The following PDE11A variants were observed in gnomAD, a reference collection of about 807,000 sequenced individuals.
The protein encoded by PDE11A is dual 3',5'-cyclic-AMP and -GMP phosphodiesterase 11A.
A neutral mutation model predicts 100.5 loss-of-function variants in PDE11A; 100 were observed. The ratio of observed to expected loss-of-function variants is 1.00; its 90% CI spans 0.85 to 1.18. The LOEUF is 1.18. Among genes scored for constraint, PDE11A ranks in the 50% most tolerant of loss-of-function variants. The pLI, the probability that PDE11A is intolerant of heterozygous loss-of-function variation, is 0.00. For synonymous variants in PDE11A, 381 were observed against 420.8 expected (o/e 0.91, Z 1.16); for missense variants, 1,141 against 1,152.6 (o/e 0.99, Z 0.15).
At chr2:177,858,608 A>T (rs1242904522) in intron 5 of PDE11A, among the ~76,000 whole-genome samples, 2 of 152,034 alleles carry the variant, frequency 1.3e-5, no homozygotes, top group African/African-American at 4.8e-5. Flanking sequence ...AGGTGCTGGA[A>T]AGGATGTGGA....
At chr2:178,096,472 C>A (rs533558231) in intron 2 of PDE11A, among the ~76,000 whole-genome samples, 3 of 151,984 alleles carry the variant, frequency 2.0e-5, no homozygotes, top group Non-Finnish European at 2.9e-5. Flanking sequence ...TGCGCCTGGC[C>A]CACGTTTTTC....
At chr2:177,832,019 C>T (rs2083317534) in intron 6 of PDE11A, among the ~76,000 whole-genome samples, 1 of 152,144 alleles carries the variant, frequency 6.6e-6, no homozygotes, top group South Asian at 2.1e-4. Context: ...GAGGCCCCCC[C>T]TGACCCCTCC....
intron 1 of PDE11A, among the ~76,000 whole-genome samples, chr2:178,033,804 G>C (rs765012316): frequency 6.6e-6 from 1 of 152,032 alleles, no homozygotes; most frequent in African/African-American, 2.4e-5. Flanking sequence ...GCCAAACTAA[G>C]CTTCATAAGG....
In PDE11A at chr2:177,816,825, T is replaced by G; in HGVS notation, c.1737+4A>C. The G allele has an allele frequency of 6.5e-7, 1 of 1,542,156 alleles. No homozygotes were observed. Among genetic ancestry groups the G allele is most frequent in the South Asian group, 1.1e-5 (1 of 89,600 alleles). ...TACAAACCTGACATAAACACTGTAC[T>G]TACATCAAGAGCCACAGACTGCTTG... On this transcript the variant is annotated splice_donor_region_variant and intron_variant, in intron 9 of 19. Transcript: ENST00000286063.
At chr2:177,992,248 T>C (rs1193196674) in intron 2 of PDE11A, among the ~76,000 whole-genome samples, 1 of 151,188 alleles carries the variant, frequency 6.6e-6, no homozygotes, top group Non-Finnish European at 1.5e-5. Flanking sequence ...ATCTCAGAAA[T>C]AAAAGTAATA....
intron 2 of PDE11A, among the ~76,000 whole-genome samples, chr2:177,950,662 A>G (rs1191006986): frequency 6.6e-6 from 1 of 152,220 alleles, no homozygotes; most frequent in Non-Finnish European, 1.5e-5. Context: ...CTGTAATCCC[A>G]GCACTTTGGG....
In PDE11A at chr2:177,681,533, A is replaced by G. The variant is rs910116900; in HGVS notation, c.2346-630T>C. Among the ~76,000 whole-genome samples the G allele has an allele frequency of 3.3e-5, 5 of 152,326 alleles. No individual in the cohort carries two copies. In the East Asian group the frequency reaches 9.6e-4, roughly 29 times the overall value. On this transcript the variant is annotated intron_variant, in intron 15 of 19. Coordinates refer to ENST00000286063, the MANE Select transcript of PDE11A (RefSeq NM_016953.4). ...ACGGGGGTTTCAGTTGCTAACTCAC[A>G]GAGTTACTGTGAGGATTAAATGAAT... is the stretch of plus-strand genomic sequence containing the variant.
intron 4 of PDE11A, among the ~76,000 whole-genome samples, chr2:177,883,542 G>A (rs1405649): frequency 0.09 from 13,648 of 152,184 alleles, 607 homozygotes; most frequent in Middle Eastern, 0.15. Context: ...AGTGCACAGA[G>A]GAAGGTGTTA....
intron 9 of PDE11A, among the ~76,000 whole-genome samples, chr2:177,772,865 G>T (rs944833662): frequency 1.3e-5 from 2 of 152,054 alleles, no homozygotes; most frequent in African/African-American, 4.8e-5. Flanking sequence ...GTATATTTTG[G>T]ATTCAAGTCC....
intron 2 of PDE11A, among the ~76,000 whole-genome samples, chr2:178,102,953 T>C (rs2087577938): frequency 1.3e-5 from 2 of 149,460 alleles, no homozygotes; most frequent in East Asian, 3.9e-4. Context: ...GAGAAAATGG[T>C]CATGTAAAGA....
intron 9 of PDE11A, among the ~76,000 whole-genome samples, chr2:177,794,777 T>A (rs2082682199): frequency 1.5e-5 from 1 of 65,038 alleles, no homozygotes; most frequent in African/African-American, 8.3e-5. Flanking sequence ...TTTGTTTGTT[T>A]GTTTGTTTGT....
intron 4 of PDE11A, among the ~76,000 whole-genome samples, chr2:177,895,686 T>C (rs2084601968): frequency 6.6e-6 from 1 of 152,338 alleles, no homozygotes; most frequent in Admixed American, 6.5e-5. Flanking sequence ...ATCTCACTTA[T>C]TTCTAGAATT....
At chr2:178,091,098 A>G (rs2087417349) in intron 2 of PDE11A, among the ~76,000 whole-genome samples, 1 of 152,016 alleles carries the variant, frequency 6.6e-6, no homozygotes, top group Non-Finnish European at 1.5e-5. Context: ...TTGAGACAGG[A>G]TCTCACTCTG....
chr2:177,675,060 A>C (rs1304198634), intron 17 of PDE11A, among the ~76,000 whole-genome samples: 2 of 152,132 alleles, frequency 1.3e-5, no homozygotes, highest in African/African-American at 4.8e-5. Flanking sequence ...ATATTTAAAA[A>C]GAAAAATATA....
intron 6 of PDE11A, among the ~76,000 whole-genome samples, chr2:177,820,826 G>C (rs1026831940): frequency 2.8e-5 from 4 of 143,672 alleles, no homozygotes; most frequent in Non-Finnish European, 6.0e-5. Flanking sequence ...TAGAGGTAGA[G>C]GTTTGAATAT....
At chr2:177,687,858 T>C (rs2080977273) in intron 15 of PDE11A, 1 of 152,190 alleles carries the variant, frequency 6.6e-6, no homozygotes, top group Admixed American at 6.5e-5. Flanking sequence ...TGAAGGAAGG[T>C]GAAGTGACTT....
chr2:177,679,613 A>T (rs1182655641), intron 16 of PDE11A, among the ~76,000 whole-genome samples: 2 of 152,198 alleles, frequency 1.3e-5, no homozygotes, highest in Non-Finnish European at 2.9e-5. Flanking sequence ...ATTAAAAATT[A>T]TACAAAAAGA....
At chr2:177,797,850 A>G (rs756492993) in intron 9 of PDE11A, among the ~76,000 whole-genome samples, 2 of 152,224 alleles carry the variant, frequency 1.3e-5, no homozygotes, top group Non-Finnish European at 2.9e-5. Context: ...ATGAAATACT[A>G]AGATAAATTT....
chr2:178,067,971 A>G (rs767588695), intron 1 of PDE11A, among the ~76,000 whole-genome samples: 5 of 152,164 alleles, frequency 3.3e-5, no homozygotes, highest in Non-Finnish European at 7.3e-5. Flanking sequence ...TTTCACACCC[A>G]AGCCCATCAA....
Sources: allele counts gnomAD v4.1 joint callset (sites outside exome capture counted in the v4.1 genomes callset), GRCh38; gene constraint gnomAD v4.1.1; transcripts MANE v1.5; gene names NCBI Gene and HGNC (gene_info 2026-07-23, HGNC 2026-07-21).